ATP7A: variants seen among roughly 807,000 people sequenced by gnomAD.
ATP7A encodes the protein ATPase copper transporting alpha.
In ATP7A, 7 loss-of-function variants were observed where a neutral mutation model predicts 83.5. The observed-to-expected ratio is 0.08, with a 90% confidence interval of 0.05 to 0.16. The LOEUF (loss-of-function observed/expected upper bound fraction) is 0.16, where lower values mean the gene tolerates loss of function less well. Among genes scored for constraint, ATP7A ranks in the 10% least tolerant of loss-of-function variants. ATP7A has a pLI of 1.00. For missense variants in ATP7A, 940 were observed against 1,120.8 expected, an observed-to-expected ratio of 0.84 and a Z score of 2.30; for synonymous variants, 354 against 395.2, an observed-to-expected ratio of 0.90 and a Z score of 1.24.
intron 1 of ATP7A, among the ~76,000 whole-genome samples, chrX:77,942,450 CG>C (rs565383314): frequency 3.9e-5 from 4 of 103,229 alleles, no homozygotes; most frequent in African/African-American, 1.1e-4. Context: ...TTTTTTTTTG[CG>C]GGGGGGGTAG....
intron 5 of ATP7A, 54 bp downstream of exon 5, chrX:77,998,738 T>G (rs2077720684): frequency 9.0e-7 from 1 of 1,116,265 alleles, no homozygotes; most frequent in Non-Finnish European, 1.2e-6. Flanking sequence ...AGCTCCATCT[T>G]TTTTGTTCTC....
intron 3 of ATP7A, 137 bp downstream of exon 3, chrX:77,988,868 TC>T: frequency 1.2e-6 from 1 of 851,719 alleles, no homozygotes; most frequent in Non-Finnish European, 1.7e-6. Flanking sequence ...TACAGCATAT[TC>T]CCAGGATTAA....
chrX:77,913,866 A>C (rs2077172611), intron 1 of ATP7A, among the ~76,000 whole-genome samples: 1 of 111,855 alleles, frequency 8.9e-6, no homozygotes, highest in Admixed American at 9.5e-5. Flanking sequence ...AGGATGAAAA[A>C]AGAGTTTTAC....
At chrX:78,039,162 CT>C (rs1337570060) in intron 18 of ATP7A, among the ~76,000 whole-genome samples, 180 bp downstream of exon 18, 4 of 111,899 alleles carry the variant, frequency 3.6e-5, no homozygotes, top group Non-Finnish European at 7.5e-5. Flanking sequence ...ATTTGCCTGC[CT>C]TTGTTACTTT....
At chrX:78,015,644 T>C (rs1294442751) in intron 11 of ATP7A, 110 bp from the exon 12 acceptor site, 1 of 1,007,416 alleles carries the variant, frequency 9.9e-7, no homozygotes, top group South Asian at 2.0e-5. Context: ...CTAGCTTCCA[T>C]TGGCAGTAAT....
intron 1 of ATP7A, among the ~76,000 whole-genome samples, chrX:77,948,785 G>A (rs1557226491): frequency 9.0e-6 from 1 of 111,598 alleles, no homozygotes; most frequent in Non-Finnish European, 1.9e-5. Context: ...TACCATGGTC[G>A]GTCAGTTGAA....
intron 2 of ATP7A, 134 bp downstream of exon 2, chrX:77,971,895 G>A: frequency 1.3e-6 from 1 of 750,299 alleles, no homozygotes; most frequent in Non-Finnish European, 2.0e-6. Context: ...TTATCTTGAA[G>A]CTAAATAAGT....
chrX:77,994,917 G>A (rs1434699962), intron 4 of ATP7A, among the ~76,000 whole-genome samples: 3 of 111,529 alleles, frequency 2.7e-5, no homozygotes, highest in African/African-American at 9.8e-5. Flanking sequence ...TTCAACAAAT[G>A]ATTATCAGGA....
intron 1 of ATP7A, among the ~76,000 whole-genome samples, chrX:77,958,402 TG>T (rs2077456857): frequency 8.9e-6 from 1 of 111,819 alleles, no homozygotes; most frequent in African/African-American, 3.3e-5. Flanking sequence ...GAAAATCAGA[TG>T]GCTGTAGGTG....
At chrX:78,045,647 C>T (rs781994297) in intron 22 of ATP7A, 75 bp downstream of exon 22, 13 of 938,388 alleles carry the variant, frequency 1.4e-5, no homozygotes, top group African/African-American at 1.9e-5. Context: ...AGGTTTTATT[C>T]TTGTATTGAT....
rs782725128 is a variant in ATP7A at position 78,044,945 on chromosome X, C to A, written c.4124-525C>A. 3.9e-3 allele frequency among the ~76,000 whole-genome samples: 434 copies of A among 111,970 alleles called. 1 individual carries two copies. The highest frequency in any genetic ancestry group is 0.014 in the African/African-American group (425 of 30,846). On this transcript the variant is annotated intron_variant, in intron 21 of 22. Transcript: ENST00000341514. ...CAATCTAAGTCCAGTAAGATTAATT[C>A]ATGGAGCAAGTGATTTTTAAATAAT...
chrX:78,036,204 A>T (rs1211403760), intron 17 of ATP7A, among the ~76,000 whole-genome samples: 1 of 111,434 alleles, frequency 9.0e-6, no homozygotes, highest in Non-Finnish European at 1.9e-5. Flanking sequence ...TCCAATGGAG[A>T]TAGTGCTGTG....
At chrX:77,978,479 G>C (rs1372170972) in intron 2 of ATP7A, among the ~76,000 whole-genome samples, 1 of 111,311 alleles carries the variant, frequency 9.0e-6, no homozygotes. Context: ...AAGTAAATTT[G>C]AAATGCCCTG....
chrX:77,985,244 C>A (rs782367744), intron 2 of ATP7A, among the ~76,000 whole-genome samples: 1 of 111,001 alleles, frequency 9.0e-6, no homozygotes, highest in Non-Finnish European at 1.9e-5. Flanking sequence ...GTCTGGAATT[C>A]CTGAGCTCAA....
intron 1 of ATP7A, chrX:77,965,525 G>A: frequency 3.7e-6 from 1 of 270,255 alleles, no homozygotes; most frequent in East Asian, 1.2e-4. Context: ...ATCGGAGGTG[G>A]AACAATTGGG....
chrX:78,017,765 CTTTTTTTTTTTTT>C (rs1176316040), intron 12 of ATP7A, among the ~76,000 whole-genome samples: 10 of 45,859 alleles, frequency 2.2e-4, no homozygotes, highest in East Asian at 7.6e-4. Context: ...TTTCTTGTTT[CTTTTTTTTTTTTT>C]TTTTTTTTTT....
chrX:78,027,309 C>A (rs782634368), intron 14 of ATP7A, among the ~76,000 whole-genome samples: 1 of 111,660 alleles, frequency 9.0e-6, no homozygotes, highest in Non-Finnish European at 1.9e-5. Context: ...TATACACCAG[C>A]AACGTCCAAC....
At chrX:77,976,558 A>G (rs1358654739) in intron 2 of ATP7A, among the ~76,000 whole-genome samples, 2 of 111,864 alleles carry the variant, frequency 1.8e-5, no homozygotes, top group African/African-American at 6.5e-5. Flanking sequence ...CAAGAGTCCT[A>G]TGAAGTGTGG....
At chrX:77,991,990 C>A (rs562041433) in intron 4 of ATP7A, among the ~76,000 whole-genome samples, 39 of 110,050 alleles carry the variant, frequency 3.5e-4, no homozygotes, top group African/African-American at 1.2e-3. Flanking sequence ...TCACTGTACT[C>A]CAGCCTGGGT....
Sources: allele counts gnomAD v4.1 joint callset (sites outside exome capture counted in the v4.1 genomes callset), GRCh38; gene constraint gnomAD v4.1.1; transcripts MANE v1.5; gene names NCBI Gene and HGNC (gene_info 2026-07-23, HGNC 2026-07-21).